B3GALT1: variants seen among roughly 807,000 people sequenced by gnomAD.
The protein encoded by B3GALT1 is UDP-Gal:betaGlcNAc beta 1,3-galactosyltransferase, polypeptide 1.
A neutral mutation model predicts 23.2 loss-of-function variants in B3GALT1; 10 were observed. That is an observed-to-expected ratio of 0.43 (90% confidence interval 0.27 to 0.73). B3GALT1 has a LOEUF of 0.73. Among genes scored for constraint, B3GALT1 ranks in the 30% least tolerant of loss-of-function variants. The pLI, the probability that B3GALT1 is intolerant of heterozygous loss-of-function variation, is 0.21. For synonymous variants in B3GALT1, 156 were observed against 141.5 expected (o/e 1.10, Z -0.73); for missense variants, 299 against 405.4 (o/e 0.74, Z 2.25).
At chr2:167,710,699 A>G (rs768198714) in intron 3 of B3GALT1, among the ~76,000 whole-genome samples, 2 of 152,134 alleles carry the variant, frequency 1.3e-5, no homozygotes, top group Non-Finnish European at 2.9e-5. Context: ...AGAGCTGGGA[A>G]TATTTTTGCT....
chr2:167,340,595 A>G (rs977989374), intron 1 of B3GALT1, among the ~76,000 whole-genome samples: 1 of 152,206 alleles, frequency 6.6e-6, no homozygotes, highest in Non-Finnish European at 1.5e-5. Context: ...GGCAAAGGAG[A>G]GATAGACTTA....
At chr2:167,363,737 A>C (rs1358442998) in intron 1 of B3GALT1, among the ~76,000 whole-genome samples, 1 of 152,016 alleles carries the variant, frequency 6.6e-6, no homozygotes, top group Non-Finnish European at 1.5e-5. Context: ...TCCTTGACTT[A>C]TTTTTGTTAG....
chr2:167,398,195 G>C (rs1001635307), intron 1 of B3GALT1, among the ~76,000 whole-genome samples: 4 of 152,016 alleles, frequency 2.6e-5, no homozygotes, highest in Non-Finnish European at 4.4e-5. Flanking sequence ...GTTCATGCTA[G>C]TACTGGAGTT....
At chr2:167,868,414 G>A (rs1294532408) in intron 4 of B3GALT1, among the ~76,000 whole-genome samples, 2 of 151,248 alleles carry the variant, frequency 1.3e-5, no homozygotes, top group Non-Finnish European at 2.9e-5. Flanking sequence ...TCGGAAACTG[G>A]AAAAGAGATA....
rs1263628441 is a variant in B3GALT1, at chr2:167,302,076, GA to G, written c.-511+8744del. On this transcript the variant is annotated intron_variant, in intron 1 of 4. Coordinates refer to ENST00000392690, the MANE Select transcript of B3GALT1 (RefSeq NM_020981.4). ...ATAAACTATTTGGCCAACAAAAGGG[GA>G]ATAATTAAATTGTGGCATACACTAT... 5.9e-5 allele frequency among the ~76,000 whole-genome samples: 9 copies of G among 152,164 alleles called. No homozygotes were observed. The East Asian group carries it at 1.5e-3, about 26-fold the overall frequency.
At chr2:167,695,467 T>G (rs925731149) in intron 3 of B3GALT1, among the ~76,000 whole-genome samples, 1 of 152,178 alleles carries the variant, frequency 6.6e-6, no homozygotes, top group Non-Finnish European at 1.5e-5. Flanking sequence ...CTTAAAACTC[T>G]TCAGTTGCTC....
chr2:167,808,502 T>G (rs1688810095), intron 3 of B3GALT1, among the ~76,000 whole-genome samples: 1 of 151,860 alleles, frequency 6.6e-6, no homozygotes, highest in South Asian at 2.1e-4. Context: ...CTCTCAGCAT[T>G]TGCTTGTCTG....
intron 2 of B3GALT1, among the ~76,000 whole-genome samples, chr2:167,628,476 T>C (rs866358101): frequency 6.6e-6 from 1 of 151,754 alleles, no homozygotes; most frequent in African/African-American, 2.4e-5. Flanking sequence ...GGCCAATCTT[T>C]TAAGATACAA....
At chr2:167,795,307 A>G (rs1358081879) in intron 3 of B3GALT1, among the ~76,000 whole-genome samples, 1 of 152,190 alleles carries the variant, frequency 6.6e-6, no homozygotes, top group Non-Finnish European at 1.5e-5. Flanking sequence ...ACAGAAATCT[A>G]AGGGGAAGAG....
intron 2 of B3GALT1, among the ~76,000 whole-genome samples, chr2:167,539,909 A>T (rs1574126572): frequency 6.6e-6 from 1 of 152,156 alleles, no homozygotes; most frequent in African/African-American, 2.4e-5. Context: ...AATCAAATCA[A>T]TAATAATTTT....
At chr2:167,308,737 C>A (rs1055606194) in intron 1 of B3GALT1, among the ~76,000 whole-genome samples, 35 of 151,954 alleles carry the variant, frequency 2.3e-4, no homozygotes, top group Non-Finnish European at 4.4e-4. Flanking sequence ...GAAATGACAT[C>A]CTGTACTTAA....
At chr2:167,396,203 T>G (rs1053008642) in intron 1 of B3GALT1, among the ~76,000 whole-genome samples, 4 of 152,164 alleles carry the variant, frequency 2.6e-5, no homozygotes, top group African/African-American at 9.7e-5. Flanking sequence ...TTTGCATAAT[T>G]TGATTTGAAT....
chr2:167,563,877 GC>G (rs1684082639), intron 2 of B3GALT1, among the ~76,000 whole-genome samples: 1 of 67,504 alleles, frequency 1.5e-5, no homozygotes, highest in Admixed American at 1.4e-4. Context: ...CCCCTCATCT[GC>G]CGGACGGGGC....
intron 1 of B3GALT1, among the ~76,000 whole-genome samples, chr2:167,394,152 A>C (rs1265705331): frequency 6.6e-6 from 1 of 152,158 alleles, no homozygotes; most frequent in Non-Finnish European, 1.5e-5. Flanking sequence ...TGAAATGTCC[A>C]TCCACCTCTG....
chr2:167,310,455 C>T (rs1166453299), intron 1 of B3GALT1, among the ~76,000 whole-genome samples: 1 of 151,974 alleles, frequency 6.6e-6, no homozygotes, highest in Non-Finnish European at 1.5e-5. Context: ...GCAAGGTGTG[C>T]TATTTGATCA....
intron 2 of B3GALT1, among the ~76,000 whole-genome samples, chr2:167,624,204 G>T (rs1026472608): frequency 2.6e-5 from 4 of 152,190 alleles, no homozygotes; most frequent in Non-Finnish European, 5.9e-5. Context: ...AGGTAAGGAA[G>T]TTTAGATGCA....
chr2:167,582,481 C>A (rs1205515687), intron 2 of B3GALT1, among the ~76,000 whole-genome samples: 2 of 152,226 alleles, frequency 1.3e-5, no homozygotes, highest in Admixed American at 1.3e-4. Context: ...CTAGCTTCCA[C>A]ACACTAAGTA....
intron 2 of B3GALT1, among the ~76,000 whole-genome samples, chr2:167,551,388 T>G (rs1483823708): frequency 6.6e-6 from 1 of 152,120 alleles, no homozygotes; most frequent in Non-Finnish European, 1.5e-5. Context: ...GTAGAAAAAT[T>G]TGTTCTTTGA....
chr2:167,782,238 G>A (rs1688258420), intron 3 of B3GALT1, among the ~76,000 whole-genome samples: 1 of 152,220 alleles, frequency 6.6e-6, no homozygotes, highest in African/African-American at 2.4e-5. Context: ...AGCACCCACA[G>A]AGCAGGTGAA....
Sources: gnomAD v4.1 joint callset for allele counts (sites outside exome capture counted in the v4.1 genomes callset) on GRCh38, gnomAD v4.1.1 for gene constraint, MANE v1.5 for transcripts, NCBI Gene and HGNC (gene_info 2026-07-23, HGNC 2026-07-21) for gene names.